Variants in BRWD3 observed in about 807,000 individuals in gnomAD.
The protein encoded by BRWD3 is bromodomain and WD repeat-containing protein 3.
Under a neutral mutation model 149.7 loss-of-function variants are expected in BRWD3, and 10 were observed. That is an observed-to-expected ratio of 0.07 (90% CI 0.04 to 0.11). The LOEUF (loss-of-function observed/expected upper bound fraction) is 0.11, where lower values mean the gene tolerates loss of function less well. BRWD3 is among the 10% of genes least tolerant of loss of function. BRWD3 has a pLI of 1.00. For missense variants in BRWD3, 940 were observed against 1,373.2 expected (o/e 0.68, Z 4.99); for synonymous variants, 504 against 456.7 (o/e 1.10, Z -1.32).
intron 6 of BRWD3, among the ~76,000 whole-genome samples, chrX:80,780,604 G>A (rs992180792): frequency 9.0e-6 from 1 of 111,600 alleles, no homozygotes; most frequent in South Asian, 3.7e-4. Context: ...ACAAAAGATG[G>A]AGTTTATATT....
Position 80,681,500 on chromosome X carries a change from C to T in BRWD3, c.4496-1G>A. On this transcript the variant is annotated splice_acceptor_variant, in intron 39 of 40. Coordinates refer to ENST00000373275, the MANE Select transcript of BRWD3 (RefSeq NM_153252.5). LOFTEE classifies it high-confidence loss of function. ...GAAAGCCCTTCAGCAGCATCTGAAA[C>T]TTACATTTTAAAAGATTTTAATACT... 8.3e-7 allele frequency: 1 copy of T among 1,199,375 alleles called. No homozygotes were observed. Among genetic ancestry groups the T allele is most frequent in the Non-Finnish European group, 1.1e-6 (1 of 885,135 alleles).
At chrX:80,709,080 T>C (rs1034975484) in intron 21 of BRWD3, among the ~76,000 whole-genome samples, 3 of 111,623 alleles carry the variant, frequency 2.7e-5, no homozygotes, top group Admixed American at 9.5e-5. Flanking sequence ...GTTGATTAGA[T>C]AGCCAACCAG....
At chrX:80,701,005 A>C (rs1488016252) in intron 24 of BRWD3, among the ~76,000 whole-genome samples, 1 of 110,870 alleles carries the variant, frequency 9.0e-6, no homozygotes, top group Non-Finnish European at 1.9e-5. Flanking sequence ...TCAAATTATA[A>C]CTGACACTCT....
At chrX:80,686,440 T>A (rs1297227940) in intron 35 of BRWD3, among the ~76,000 whole-genome samples, 1 of 107,247 alleles carries the variant, frequency 9.3e-6, no homozygotes, top group Non-Finnish European at 1.9e-5. Context: ...TATATATATA[T>A]AAATTAAAAA....
intron 6 of BRWD3, among the ~76,000 whole-genome samples, chrX:80,776,180 A>C (rs1212289333): frequency 8.9e-6 from 1 of 112,390 alleles, no homozygotes; most frequent in African/African-American, 3.2e-5. Flanking sequence ...CTGAGAGACA[A>C]CACCATTAGC....
intron 6 of BRWD3, among the ~76,000 whole-genome samples, chrX:80,754,131 G>GT (rs1296060339): frequency 1.8e-5 from 2 of 111,869 alleles, no homozygotes; most frequent in Middle Eastern, 4.2e-3. Flanking sequence ...TAACAATATT[G>GT]TTTTTTACAG....
chrX:80,689,886 C>T (rs374430034), intron 32 of BRWD3, 40 bp from the exon 33 acceptor site: 1 of 1,164,633 alleles, frequency 8.6e-7, no homozygotes. Context: ...GTAATTTTTA[C>T]AATTTTTCAA....
intron 24 of BRWD3, among the ~76,000 whole-genome samples, chrX:80,700,441 T>TATATATATATATATATATAA (rs1269965985): frequency 4.2e-5 from 4 of 96,042 alleles, no homozygotes; most frequent in East Asian, 3.2e-4. Flanking sequence ...TTGATATATA[T>TATATATATATATATATATAA]AACAATACAA....
intron 20 of BRWD3, chrX:80,710,797 G>A: frequency 2.6e-6 from 1 of 390,937 alleles, no homozygotes; most frequent in Non-Finnish European, 4.8e-6. Context: ...GAATGGTGGT[G>A]GAATGGTATG....
intron 14 of BRWD3, among the ~76,000 whole-genome samples, chrX:80,726,339 T>TTA (rs1392121024): frequency 8.0e-5 from 6 of 74,787 alleles, no homozygotes; most frequent in East Asian, 8.3e-4. Context: ...TGTTTACATG[T>TTA]TATGTCTGTA....
intron 20 of BRWD3, among the ~76,000 whole-genome samples, chrX:80,714,286 G>A (rs2073043208): frequency 1.1e-5 from 1 of 91,758 alleles, no homozygotes; most frequent in African/African-American, 4.2e-5. Context: ...AGAATGCAAT[G>A]GCGTGATATG....
intron 11 of BRWD3, among the ~76,000 whole-genome samples, 187 bp from the exon 12 acceptor site, chrX:80,733,683 A>G (rs1222535187): frequency 9.1e-6 from 1 of 110,327 alleles, no homozygotes; most frequent in Non-Finnish European, 1.9e-5. Context: ...AACAAACCAG[A>G]CATAGGGAAA....
At chrX:80,717,515 T>G in intron 19 of BRWD3, 58 bp downstream of exon 19, 1 of 1,084,143 alleles carries the variant, frequency 9.2e-7, no homozygotes, top group Non-Finnish European at 1.3e-6. Context: ...TACATTTCAA[T>G]TCACTTCCTA....
At chrX:80,721,975 T>C (rs759038633) in intron 17 of BRWD3, among the ~76,000 whole-genome samples, 1 of 111,546 alleles carries the variant, frequency 9.0e-6, no homozygotes, top group African/African-American at 3.3e-5. Flanking sequence ...TCCACCCAAG[T>C]AGTTGGGATT....
chrX:80,677,498 T>C, intron 40 of BRWD3, 135 bp from the exon 41 acceptor site: 1 of 924,509 alleles, frequency 1.1e-6, no homozygotes, highest in Non-Finnish European at 1.4e-6. Flanking sequence ...AGAACTTAAA[T>C]TTCTTCAAAA....
intron 4 of BRWD3, among the ~76,000 whole-genome samples, chrX:80,801,213 T>A (rs186993287): frequency 0.048 from 3,186 of 66,457 alleles, 69 homozygotes; most frequent in South Asian, 0.21. Context: ...TGAGAAAACA[T>A]CTTTTTTTTT....
Position 80,809,531 on chromosome X carries a change from G to C in BRWD3, c.-60C>G. On this transcript the variant is annotated 5_prime_UTR_variant, in exon 1 of 41. Coordinates refer to ENST00000373275, the MANE Select transcript of BRWD3 (RefSeq NM_153252.5). ...GAGGGGCTGGCGGGGGCGGGTGGGG[G>C]CGCTGCCTCTATTGTGGTGAAGCCC... The C allele has an allele frequency of 3.1e-6, 2 of 646,851 alleles. No individual in the cohort carries two copies. Among genetic ancestry groups the C allele is most frequent in the East Asian group, 3.6e-5 (1 of 28,080 alleles). 53.3% of individuals were successfully genotyped at this position (646,851 alleles called of 1,213,427 possible). A position where few individuals can be genotyped will look rare whatever the true frequency, so the allele number is the denominator to read the frequency against.
At chrX:80,755,971 T>C (rs2073731498) in intron 6 of BRWD3, among the ~76,000 whole-genome samples, 1 of 111,685 alleles carries the variant, frequency 9.0e-6, no homozygotes, top group African/African-American at 3.2e-5. Context: ...AATGAGGAAA[T>C]TTTTAAAATT....
intron 35 of BRWD3, 141 bp downstream of exon 35, chrX:80,686,722 C>T: frequency 1.6e-6 from 1 of 606,598 alleles, no homozygotes; most frequent in Non-Finnish European, 2.5e-6. Context: ...TCACACTAAT[C>T]ACACTACTAC....
Sources: gnomAD v4.1 joint callset for allele counts (sites outside exome capture counted in the v4.1 genomes callset) on GRCh38, gnomAD v4.1.1 for gene constraint, MANE v1.5 for transcripts, NCBI Gene and HGNC (gene_info 2026-07-23, HGNC 2026-07-21) for gene names.